CACNA2D4: variants seen among roughly 807,000 people sequenced by gnomAD.
CACNA2D4 encodes the protein calcium voltage-gated channel auxiliary subunit alpha2delta 4.
A neutral mutation model predicts 163.8 loss-of-function variants in CACNA2D4; 157 were observed. The observed-to-expected ratio is 0.96, with a 90% CI of 0.84 to 1.09. The LOEUF is 1.09. Among genes scored for constraint, CACNA2D4 ranks in the 50% least tolerant of loss-of-function variants. CACNA2D4 has a pLI of 0.00. For missense variants in CACNA2D4, 1,410 were observed against 1,479.9 expected, an observed-to-expected ratio of 0.95 and a Z score of 0.78; for synonymous variants, 598 against 586.9, an observed-to-expected ratio of 1.02 and a Z score of -0.27.
chr12:1,807,847 G>T (rs1180278956), intron 29 of CACNA2D4, among the ~76,000 whole-genome samples: 1 of 152,148 alleles, frequency 6.6e-6, no homozygotes, highest in African/African-American at 2.4e-5. Flanking sequence ...GGGAGCGGGG[G>T]CCCCAGCAGG....
intron 24 of CACNA2D4, among the ~76,000 whole-genome samples, chr12:1,845,883 G>A (rs1865133554): frequency 6.6e-6 from 1 of 152,344 alleles, no homozygotes; most frequent in Non-Finnish European, 1.5e-5. Flanking sequence ...CTAGGTGCCA[G>A]TAGGAAGTTC....
At chr12:1,846,462 T>G in intron 24 of CACNA2D4, 132 bp downstream of exon 24, 1 of 699,784 alleles carries the variant, frequency 1.4e-6, no homozygotes, top group Non-Finnish European at 2.4e-6. Context: ...CCTTCTGCCC[T>G]GCTGGGCTCC....
At chr12:1,853,861 C>A in intron 23 of CACNA2D4, 90 bp downstream of exon 23, 2 of 1,002,804 alleles carry the variant, frequency 2.0e-6, no homozygotes, top group Non-Finnish European at 3.1e-6. Context: ...CTCTCCTGAG[C>A]CACCAGCCAG....
chr12:1,900,545 T>G (rs767530561), intron 6 of CACNA2D4, among the ~76,000 whole-genome samples: 2 of 152,226 alleles, frequency 1.3e-5, no homozygotes, highest in African/African-American at 2.4e-5. Context: ...AAAACCAATT[T>G]GGAATTTTCT....
At chr12:1,840,183 C>T (rs1864982350) in intron 26 of CACNA2D4, among the ~76,000 whole-genome samples, 1 of 152,240 alleles carries the variant, frequency 6.6e-6, no homozygotes, top group East Asian at 1.9e-4. Context: ...ATCTTTTCAA[C>T]AGCAAAGTTT....
chr12:1,841,466 C>T (rs914082663), intron 25 of CACNA2D4, among the ~76,000 whole-genome samples: 1 of 152,248 alleles, frequency 6.6e-6, no homozygotes, highest in African/African-American at 2.4e-5. Context: ...TCTTCTGGAA[C>T]AATCAGGCCA....
rs1435041216 is a variant in CACNA2D4 at position 1,798,540 on chromosome 12, C to G, written c.2996-1005G>C. Among the ~76,000 whole-genome samples the G allele has an allele frequency of 1.3e-5, 2 of 151,756 alleles. No individual in the cohort carries two copies. The highest frequency in any genetic ancestry group is 4.8e-5 in the African/African-American group (2 of 41,266). ...AGGGCTGTGAGTTTTGTCCCCAGGG[C>G]TGGGCACAGAAGCCTGCCTGACAAT... On this transcript the variant is annotated intron_variant, in intron 34 of 37. Transcript: ENST00000382722. The surrounding 1 kb of genome is among the most constrained non-coding windows in gnomAD (Gnocchi z 4.3).
chr12:1,849,048 C>T (rs557491609), intron 23 of CACNA2D4, among the ~76,000 whole-genome samples: 2 of 152,150 alleles, frequency 1.3e-5, no homozygotes, highest in Non-Finnish European at 2.9e-5. Flanking sequence ...ACAAGATGTT[C>T]CAGGTTCATT....
In CACNA2D4 at chr12:1,875,036, T is replaced by C. The variant is rs141613873; in HGVS notation, c.1806+215A>G. Among the ~76,000 whole-genome samples, 19 of 152,330 alleles carry C rather than the reference T, an allele frequency of 1.2e-4. No homozygotes were observed. In the East Asian group the frequency reaches 3.5e-3, roughly 28 times the overall value. On this transcript the variant is annotated intron_variant, in intron 17 of 37. Coordinates refer to ENST00000382722, the MANE Select transcript of CACNA2D4 (RefSeq NM_172364.5). The surrounding 1 kb of genome is among the most constrained non-coding windows in gnomAD (Gnocchi z 4.0). ...TGATCTCATCCAGCCTCAGTAGTCC[T>C]TGTGATTCAAGAAGATATTGTTATA...
chr12:1,803,629 T>C (rs930242501), intron 29 of CACNA2D4, among the ~76,000 whole-genome samples: 1 of 152,206 alleles, frequency 6.6e-6, no homozygotes, highest in African/African-American at 2.4e-5. Flanking sequence ...ATTACAAAAG[T>C]AAGCAGCAGG....
chr12:1,805,690 C>G (rs1003133460), intron 29 of CACNA2D4, among the ~76,000 whole-genome samples: 1 of 152,248 alleles, frequency 6.6e-6, no homozygotes, highest in African/African-American at 2.4e-5. Flanking sequence ...GAGCCTGCCT[C>G]TGACCACGAC....
At chr12:1,838,027 C>T (rs10735004) in intron 26 of CACNA2D4, among the ~76,000 whole-genome samples, 81,736 of 152,070 alleles carry the variant, frequency 0.54, 23,236 homozygotes, top group East Asian at 0.94. Context: ...GGAAGAATGC[C>T]CGTCTGCTGG....
intron 26 of CACNA2D4, among the ~76,000 whole-genome samples, chr12:1,819,874 G>T (rs1321082835): frequency 6.6e-6 from 1 of 152,174 alleles, no homozygotes; most frequent in Non-Finnish European, 1.5e-5. Flanking sequence ...CTCCCAGCCT[G>T]CCAACTCTGG....
chr12:1,907,498 G>T lies in CACNA2D4; in HGVS notation c.723C>A (p.Asp241Glu), dbSNP rs1264726516. The change falls in exon 6 of 38, where the codon GAC (aspartate) becomes GAA (glutamate). Residue 241 changes from aspartate to glutamate, a missense_variant. By Grantham distance (45) the Asp-to-Glu change is conservative. Transcript: ENST00000382722. ...NAVFVENFQR[D>E]PTLTWQYFGS... Reference sequence around the variant, plus strand: ...CAAAATATTGCCAGGTCAACGTTGGGTCTCTCTGGAAGTTCTCCACGAAGA... The same window carrying T: ...CAAAATATTGCCAGGTCAACGTTGGTTCTCTCTGGAAGTTCTCCACGAAGA... The T allele has an allele frequency of 6.2e-6, 10 of 1,613,708 alleles. No individual in the cohort carries two copies. Among genetic ancestry groups the T allele is most frequent in the Non-Finnish European group, 8.5e-6 (10 of 1,179,770 alleles).
intron 5 of CACNA2D4, 26 bp downstream of exon 5, chr12:1,907,848 TG>T: frequency 6.2e-7 from 1 of 1,612,670 alleles, no homozygotes; most frequent in Non-Finnish European, 8.5e-7. Context: ...GCCTGGTGAG[TG>T]TGCCTGAGCT....
In CACNA2D4 at chr12:1,875,532, G is replaced by T. The variant is rs1865864893; in HGVS notation, c.1720-195C>A. 6.6e-6 allele frequency among the ~76,000 whole-genome samples: 1 copy of T among 152,188 alleles called. No individual in the cohort carries two copies. The stretch of plus-strand genomic sequence containing the variant: ...GCTCCCCTTACTGACATCTATGACA[G>T]ATGGTCTCACGGCCTCTGAGTGAAT... On this transcript the variant is annotated intron_variant, in intron 16 of 37. Coordinates refer to ENST00000382722, the MANE Select transcript of CACNA2D4 (RefSeq NM_172364.5). This position sits in a 1 kb window ranked among gnomAD's most constrained non-coding sequence, Gnocchi z 4.0.
rs1446296798 is a variant in CACNA2D4 at position 1,818,823 on chromosome 12, T to C, written c.2552-7100A>G. 2.3e-5 allele frequency among the ~76,000 whole-genome samples: 3 copies of C among 127,736 alleles called. No homozygotes were observed. The Admixed American group carries it at 2.4e-4, about 10-fold the overall frequency. 83.8% of individuals were successfully genotyped at this position (127,736 alleles called of 152,430 possible). ...AAAAAGAGTCATCACCACTCCCTAA[T>C]CTCAAGTACCCAGGGACACAAACAC... On this transcript the variant is annotated intron_variant, in intron 26 of 37. Transcript: ENST00000382722.
At chr12:1,816,383 C>A (rs937306578) in intron 26 of CACNA2D4, among the ~76,000 whole-genome samples, 3 of 152,300 alleles carry the variant, frequency 2.0e-5, no homozygotes, top group African/African-American at 7.2e-5. Flanking sequence ...CCCTGACCTT[C>A]GTCCCCAGGA....
At chr12:1,825,251 G>C (rs10848580) in intron 26 of CACNA2D4, among the ~76,000 whole-genome samples, 110,581 of 151,610 alleles carry the variant, frequency 0.73, 40,458 homozygotes, top group East Asian at 0.81. Flanking sequence ...AGAGGGTGAG[G>C]TGGGATGCAA....
Sources: allele counts gnomAD v4.1 joint callset (sites outside exome capture counted in the v4.1 genomes callset), GRCh38; gene constraint gnomAD v4.1.1; non-coding constraint Gnocchi (gnomAD v3.1); transcripts MANE v1.5; gene names NCBI Gene and HGNC (gene_info 2026-07-23, HGNC 2026-07-21).